Variants in SEMA3D observed in about 807,000 individuals in gnomAD.
The protein encoded by SEMA3D is semaphorin-3D.
A neutral mutation model predicts 100.1 loss-of-function variants in SEMA3D; 84 were observed. The observed-to-expected ratio is 0.84, with a 90% confidence interval of 0.70 to 1.01. SEMA3D has a LOEUF of 1.01. SEMA3D is among the 50% of genes least tolerant of loss of function. The pLI is 0.00. For missense variants in SEMA3D, 875 were observed against 934.1 expected (o/e 0.94, Z 0.82); for synonymous variants, 312 against 320.7 (o/e 0.97, Z 0.29).
intron 8 of SEMA3D, among the ~76,000 whole-genome samples, chr7:85,061,825 G>C (rs568935392): frequency 1.2e-3 from 189 of 152,270 alleles, no homozygotes; most frequent in African/African-American, 4.3e-3. Context: ...GCTCTGGCCT[G>C]CCTTTCCCTC....
intron 2 of SEMA3D, chr7:85,143,390 T>A (rs1384903425): frequency 5.3e-6 from 1 of 187,060 alleles, no homozygotes; most frequent in Admixed American, 6.5e-5. Context: ...TAGAGGGAAC[T>A]TAAACAAACC....
At chr7:85,011,725 A>T (rs747414478) in intron 17 of SEMA3D, among the ~76,000 whole-genome samples, 1 of 151,830 alleles carries the variant, frequency 6.6e-6, no homozygotes, top group Non-Finnish European at 1.5e-5. Context: ...ACAATGAATC[A>T]CCTACACATT....
intron 7 of SEMA3D, 73 bp from the exon 8 acceptor site, chr7:85,065,625 C>T: frequency 9.6e-7 from 1 of 1,044,852 alleles, no homozygotes; most frequent in South Asian, 1.5e-5. Flanking sequence ...GTACAAATTT[C>T]ACAGCATGAC....
the SEMA3D span, among the ~76,000 whole-genome samples, chr7:85,249,496 C>A: frequency 6.6e-6 from 1 of 152,200 alleles, no homozygotes; most frequent in Non-Finnish European, 1.5e-5. Flanking sequence ...TACACCCAGT[C>A]TACCATATTG....
At chr7:85,142,801 C>T (rs544028980) in intron 2 of SEMA3D, 7 of 984,238 alleles carry the variant, frequency 7.1e-6, no homozygotes, top group Admixed American at 6.2e-5. Context: ...ATAACCTTTT[C>T]TCTCTTCGGC....
At chr7:85,233,215 G>T in the SEMA3D span, among the ~76,000 whole-genome samples, 1 of 151,950 alleles carries the variant, frequency 6.6e-6, no homozygotes, top group African/African-American at 2.4e-5. Context: ...CAGGTGAAAT[G>T]GTTTTGAACA....
At chr7:85,051,970 G>T (rs1583873356) in intron 9 of SEMA3D, among the ~76,000 whole-genome samples, 1 of 151,838 alleles carries the variant, frequency 6.6e-6, no homozygotes, top group African/African-American at 2.4e-5. Flanking sequence ...CATCTACATG[G>T]CGATTGTATT....
intron 2 of SEMA3D, among the ~76,000 whole-genome samples, chr7:85,144,095 A>G (rs972519296): frequency 1.3e-5 from 2 of 152,136 alleles, no homozygotes; most frequent in African/African-American, 4.8e-5. Flanking sequence ...TATTTAATCC[A>G]ATATATAATC....
At chr7:85,197,586 G>A in the SEMA3D span, among the ~76,000 whole-genome samples, 1 of 150,378 alleles carries the variant, frequency 6.6e-6, no homozygotes, top group African/African-American at 2.4e-5. Flanking sequence ...GCTGCACCCC[G>A]ACCACCTTGG....
intron 8 of SEMA3D, among the ~76,000 whole-genome samples, chr7:85,064,110 A>G (rs1791548867): frequency 6.6e-6 from 1 of 152,224 alleles, no homozygotes; most frequent in South Asian, 2.1e-4. Context: ...CTGACTTATT[A>G]ATGAATATGT....
chr7:85,019,577 A>G (rs972590198), intron 14 of SEMA3D, among the ~76,000 whole-genome samples: 5 of 151,828 alleles, frequency 3.3e-5, no homozygotes, highest in African/African-American at 1.2e-4. Context: ...TAAACAAAGC[A>G]TATTTTTAAA....
intron 1 of SEMA3D, among the ~76,000 whole-genome samples, chr7:85,158,877 C>T (rs1790669594): frequency 6.6e-6 from 1 of 152,028 alleles, no homozygotes; most frequent in Non-Finnish European, 1.5e-5. Context: ...TGAATTTCAC[C>T]TGATATATCA....
chr7:85,009,152 T>C (rs1255445044), intron 17 of SEMA3D, among the ~76,000 whole-genome samples: 4 of 151,780 alleles, frequency 2.6e-5, no homozygotes, highest in African/African-American at 9.6e-5. Flanking sequence ...TCTTATTACA[T>C]GTAAGATAAT....
chr7:85,151,752 T>C (rs1365501393), intron 2 of SEMA3D: 2 of 876,870 alleles, frequency 2.3e-6, no homozygotes, highest in Non-Finnish European at 2.7e-6. Flanking sequence ...TTCATCACAT[T>C]GACCTGAAGT....
At chr7:85,041,408 G>C (rs576187803) in intron 10 of SEMA3D, 1 of 152,012 alleles carries the variant, frequency 6.6e-6, no homozygotes, top group South Asian at 2.1e-4. Flanking sequence ...CCCCAAATTA[G>C]TGCCGTATTG....
At position 85,022,514 on chromosome 7, in the gene SEMA3D, C is replaced by T. The variant is rs769875429; in HGVS notation, c.1291G>A (p.Val431Ile). The T allele has an allele frequency of 1.3e-5, 21 of 1,611,920 alleles. No individual in the cohort carries two copies. Among genetic ancestry groups the T allele is most frequent in the African/African-American group, 9.4e-5 (7 of 74,858 alleles). ...IKRHSVMYKS[V>I]YPVAGGPTFK... The stretch of plus-strand genomic sequence containing the variant: ...GTTGGTCCTCCTGCAACTGGGTATA[C>T]GGACTTATACATCACAGAGTGCCGC... Residue 431 changes from valine to isoleucine, a missense_variant, in exon 13 of 19, where the codon GTA (valine) becomes ATA (isoleucine). Coordinates refer to ENST00000284136, the MANE Select transcript of SEMA3D (RefSeq NM_001384900.1).
chr7:85,042,349 G>T, intron 9 of SEMA3D, 64 bp from the exon 10 acceptor site: 1 of 1,159,588 alleles, frequency 8.6e-7, no homozygotes, highest in Non-Finnish European at 1.3e-6. Flanking sequence ...CACTAAAACT[G>T]GTGGCTATTA....
At position 85,121,152 on chromosome 7, in the gene SEMA3D, C is replaced by T. The variant is rs531498387; in HGVS notation, c.151+589G>A. Reference sequence around the variant, plus strand: ...AAAACTAAAGTAAAAACTATTTGGGCGTGAAACTGGACACAGACACACACA... The same window carrying T: ...AAAACTAAAGTAAAAACTATTTGGGTGTGAAACTGGACACAGACACACACA... On this transcript the variant is annotated intron_variant, in intron 3 of 18. Coordinates refer to ENST00000284136, the MANE Select transcript of SEMA3D (RefSeq NM_001384900.1). Among the ~76,000 whole-genome samples, 20 of 152,194 alleles carry T rather than the reference C, an allele frequency of 1.3e-4. No individual in the cohort carries two copies. The South Asian group carries it at 2.5e-3, about 19-fold the overall frequency.
the SEMA3D span, among the ~76,000 whole-genome samples, chr7:85,235,112 T>A: frequency 3.8e-4 from 58 of 152,306 alleles, 1 homozygote; most frequent in Admixed American, 1.2e-3. Flanking sequence ...CTGGGCATAG[T>A]AAGGAAGAGA....
Sources: allele counts gnomAD v4.1 joint callset (sites outside exome capture counted in the v4.1 genomes callset), GRCh38; gene constraint gnomAD v4.1.1; transcripts MANE v1.5; gene names NCBI Gene and HGNC (gene_info 2026-07-23, HGNC 2026-07-21).